IKZF1: variants seen among roughly 807,000 people sequenced by gnomAD.
IKZF1 encodes the protein IKAROS family zinc finger 1, also known as DNA-binding protein Ikaros.
Under a neutral mutation model 51.7 loss-of-function variants are expected in IKZF1, and 10 were observed. That is an observed-to-expected ratio of 0.19 (90% CI 0.12 to 0.33). IKZF1 has a LOEUF of 0.33. Among genes scored for constraint, IKZF1 ranks in the 10% least tolerant of loss-of-function variants. The probability of loss-of-function intolerance (pLI) is 1.00; values close to 1 mark genes in which losing one functional copy is unlikely to be tolerated. For synonymous variants in IKZF1, 280 were observed against 282.3 expected (o/e 0.99, Z 0.08); for missense variants, 484 against 707.5 (o/e 0.68, Z 3.58).
chr7:50,388,752 C>T (rs1447269452), intron 6 of IKZF1, among the ~76,000 whole-genome samples: 2 of 152,080 alleles, frequency 1.3e-5, no homozygotes, highest in East Asian at 3.8e-4. Flanking sequence ...GACTAATGGA[C>T]GAGAGGATGA....
At chr7:50,396,964 GC>G (rs1270743922) in intron 7 of IKZF1, among the ~76,000 whole-genome samples, 26 of 152,200 alleles carry the variant, frequency 1.7e-4, no homozygotes, top group African/African-American at 6.3e-4. Flanking sequence ...CAGGGAGCCC[GC>G]AGGGGCTCAC....
Position 50,400,093 on chromosome 7 carries a change from G to A in IKZF1, c.1026G>A (p.Pro342=), listed in dbSNP as rs2153518070. The A allele has an allele frequency of 1.9e-6, 3 of 1,570,614 alleles. No homozygotes were observed. Among genetic ancestry groups the A allele is most frequent in the African/African-American group, 1.4e-5 (1 of 73,684 alleles). Reference sequence around the variant, plus strand: ...CCCCGGGCGGTTCCGAGGTGGTCCCGGTCATCAGCCCGATGTACCAGCTGC... The same window carrying A: ...CCCCGGGCGGTTCCGAGGTGGTCCCAGTCATCAGCCCGATGTACCAGCTGC... ...QTPPGGSEVV[P]VISPMYQLHK... The change falls in exon 8 of 8, where the codon CCG becomes CCA. Residue 342 remains proline (P), a synonymous_variant. Transcript: ENST00000331340. The surrounding 1 kb of genome is among the most constrained non-coding windows in gnomAD (Gnocchi z 5.4).
intron 2 of IKZF1, among the ~76,000 whole-genome samples, chr7:50,321,651 G>A (rs1793354553): frequency 6.6e-6 from 1 of 152,102 alleles, no homozygotes; most frequent in Non-Finnish European, 1.5e-5. Flanking sequence ...TCTACACTCT[G>A]ATATTCTAGA....
intron 6 of IKZF1, among the ~76,000 whole-genome samples, chr7:50,390,038 C>T (rs1366887057): frequency 3.9e-5 from 6 of 152,228 alleles, no homozygotes; most frequent in South Asian, 2.1e-4. Flanking sequence ...TTGGTCACCT[C>T]TTATAATTTC....
intron 6 of IKZF1, among the ~76,000 whole-genome samples, chr7:50,387,721 C>A (rs1813817747): frequency 6.6e-6 from 1 of 152,150 alleles, no homozygotes; most frequent in South Asian, 2.1e-4. Context: ...TCGGGAGAAA[C>A]TCCTAGGATA....
At chr7:50,325,856 A>G (rs1344621463) in intron 2 of IKZF1, among the ~76,000 whole-genome samples, 1 of 152,126 alleles carries the variant, frequency 6.6e-6, no homozygotes, top group African/African-American at 2.4e-5. Flanking sequence ...CATAACATGA[A>G]CACTTTCACT....
chr7:50,317,696 C>T (rs1791943958), intron 1 of IKZF1, among the ~76,000 whole-genome samples: 1 of 152,152 alleles, frequency 6.6e-6, no homozygotes, highest in East Asian at 1.9e-4. Flanking sequence ...TCATGTATAT[C>T]CTCATCATGA....
chr7:50,388,833 C>G (rs1814167806), intron 6 of IKZF1, among the ~76,000 whole-genome samples: 1 of 152,062 alleles, frequency 6.6e-6, no homozygotes, highest in Admixed American at 6.6e-5. Flanking sequence ...GTGAATGGGT[C>G]TTGGAAGGAA....
chr7:50,309,028 C>T (rs1446523400), intron 1 of IKZF1: 2 of 152,306 alleles, frequency 1.3e-5, no homozygotes, highest in African/African-American at 4.8e-5. Context: ...CCCCATATCC[C>T]TGTGCAGGCC....
intron 2 of IKZF1, among the ~76,000 whole-genome samples, chr7:50,322,750 A>G (rs1346323118): frequency 6.6e-6 from 1 of 152,162 alleles, no homozygotes; most frequent in Non-Finnish European, 1.5e-5. Context: ...AGGATGTGGG[A>G]ACTGAGAGAT....
chr7:50,316,946 T>C (rs1220030185), intron 1 of IKZF1, among the ~76,000 whole-genome samples: 1 of 152,264 alleles, frequency 6.6e-6, no homozygotes, highest in African/African-American at 2.4e-5. Flanking sequence ...AGTAAAATGA[T>C]GATGGTGGTG....
chr7:50,398,994 C>G (rs1817417754), intron 7 of IKZF1, among the ~76,000 whole-genome samples: 1 of 152,234 alleles, frequency 6.6e-6, no homozygotes, highest in African/African-American at 2.4e-5. Context: ...AATCTAGGCT[C>G]TGGTTTCACC....
At chr7:50,394,346 C>T (rs950474088) in intron 7 of IKZF1, 7 of 232,978 alleles carry the variant, frequency 3.0e-5, no homozygotes, top group African/African-American at 1.5e-4. Context: ...TTCTGCAGCC[C>T]TAAAATTAAA....
intron 1 of IKZF1, among the ~76,000 whole-genome samples, chr7:50,309,788 A>T (rs965613830): frequency 6.6e-6 from 1 of 152,242 alleles, no homozygotes; most frequent in Non-Finnish European, 1.5e-5. Flanking sequence ...AAAATTCCAC[A>T]TAAGATACTT....
rs1430911216 is a variant in IKZF1 at position 50,307,184 on chromosome 7, G to A, written c.-15+2262G>A. ...TAGGCATAAATAACGTTTTTTGAGT[G>A]TTGCATAATTGTACGTATTAATGTA... On this transcript the variant is annotated intron_variant, in intron 1 of 7. Coordinates refer to ENST00000331340, the MANE Select transcript of IKZF1 (RefSeq NM_006060.6). 2.0e-5 allele frequency among the ~76,000 whole-genome samples: 3 copies of A among 152,098 alleles called. No individual in the cohort carries two copies. In the East Asian group the frequency reaches 5.8e-4, roughly 29 times the overall value.
chr7:50,343,403 C>T (rs1236103140), intron 3 of IKZF1, among the ~76,000 whole-genome samples: 1 of 152,036 alleles, frequency 6.6e-6, no homozygotes, highest in Non-Finnish European at 1.5e-5. Flanking sequence ...AACTTTTCTA[C>T]AAGACATAGA....
chr7:50,354,217 T>C (rs1207665738), intron 3 of IKZF1, among the ~76,000 whole-genome samples: 1 of 152,140 alleles, frequency 6.6e-6, no homozygotes, highest in East Asian at 1.9e-4. Context: ...GAGCAGCTGG[T>C]TCATGAACGG....
chr7:50,397,642 C>G (rs1291208439), intron 7 of IKZF1, among the ~76,000 whole-genome samples: 1 of 152,214 alleles, frequency 6.6e-6, no homozygotes, highest in African/African-American at 2.4e-5. Flanking sequence ...TGGATACAAA[C>G]TAGAATGGAT....
At chr7:50,359,795 T>A (rs913332548) in intron 3 of IKZF1, among the ~76,000 whole-genome samples, 1 of 152,186 alleles carries the variant, frequency 6.6e-6, no homozygotes, top group African/African-American at 2.4e-5. Flanking sequence ...CCAGATTGCC[T>A]GCACTCTGAT....
Sources: gnomAD v4.1 joint callset for allele counts (sites outside exome capture counted in the v4.1 genomes callset) on GRCh38, gnomAD v4.1.1 for gene constraint, Gnocchi (gnomAD v3.1) non-coding constraint, MANE v1.5 for transcripts, NCBI Gene and HGNC (gene_info 2026-07-23, HGNC 2026-07-21) for gene names.